Variants in SCLY observed in about 807,000 individuals in gnomAD.
The protein encoded by SCLY is putative selenocysteine lyase.
A neutral mutation model predicts 50.1 loss-of-function variants in SCLY; 38 were observed. The ratio of observed to expected loss-of-function variants is 0.76; its 90% confidence interval spans 0.59 to 0.99. The LOEUF (loss-of-function observed/expected upper bound fraction) is 0.99, where lower values mean the gene tolerates loss of function less well. Among genes scored for constraint, SCLY ranks in the 50% least tolerant of loss-of-function variants. The pLI is 0.00. For missense variants in SCLY, 600 were observed against 620.0 expected, an observed-to-expected ratio of 0.97 and a Z score of 0.34; for synonymous variants, 243 against 249.4, an observed-to-expected ratio of 0.97 and a Z score of 0.24.
Position 238,098,633 on chromosome 2 carries a change from G to GGGAACGCCCACATGGGAACGCCCACATA in SCLY, c.*281_*282insACGCCCACATGGGAACGCCCACATAGGA. 4.4e-6 allele frequency: 1 copy of GGGAACGCCCACATGGGAACGCCCACATA among 226,886 alleles called. No individual in the cohort carries two copies. The highest frequency in any genetic ancestry group is 8.0e-6 in the Non-Finnish European group (1 of 124,500). The allele number at this position is 226,886 out of a possible 1,614,324, so 14.1% of individuals were successfully genotyped here. A position where few individuals can be genotyped will look rare whatever the true frequency, so the allele number is the denominator to read the frequency against. On this transcript the variant is annotated 3_prime_UTR_variant, in exon 12 of 12. Transcript: ENST00000254663. ...ACCGCCCACATGGGACCGCCCACAT[G>GGGAACGCCCACATGGGAACGCCCACATA]GGACCGCCCACATGGGACCGCCCAC...
chr2:238,065,659 T>TA (rs1491264205), intron 2 of SCLY, among the ~76,000 whole-genome samples: 14 of 100,148 alleles, frequency 1.4e-4, no homozygotes, highest in Non-Finnish European at 4.1e-5. Context: ...TAATATTTTA[T>TA]TTTATTATTA....
At position 238,083,240 on chromosome 2, in the gene SCLY, C is replaced by T; in HGVS notation, c.778-8C>T. 6.3e-7 allele frequency: 1 copy of T among 1,599,212 alleles called. No individual in the cohort carries two copies. Among genetic ancestry groups the T allele is most frequent in the Non-Finnish European group, 8.6e-7 (1 of 1,166,566 alleles). Reference sequence around the variant, plus strand: ...CTTGTTGAATAAATGACCAACTTTTCCTTCCAGTTTTATGGTCCCAGGATT... The same window carrying T: ...CTTGTTGAATAAATGACCAACTTTTTCTTCCAGTTTTATGGTCCCAGGATT... On this transcript the variant is annotated splice_polypyrimidine_tract_variant and splice_region_variant and intron_variant, in intron 6 of 11. Coordinates refer to ENST00000254663, the MANE Select transcript of SCLY (RefSeq NM_016510.7). The surrounding 1 kb of genome is among the most constrained non-coding windows in gnomAD (Gnocchi z 4.3).
rs796713627 is a variant in SCLY, at chr2:238,098,563, AGGACTGCCCACATG to A, written c.*213_*226del. Reference sequence around the variant, plus strand: ...AGGGCCCAGGACACCAACGCCGCATAGGACTGCCCACATGGGACCGCCCACATAGGACCGCCCAC... The same window carrying A: ...AGGGCCCAGGACACCAACGCCGCATAGGACCGCCCACATAGGACCGCCCAC... On this transcript the variant is annotated 3_prime_UTR_variant, in exon 12 of 12. Transcript: ENST00000254663. 5.4e-3 allele frequency: 2,036 copies of A among 374,224 alleles called. 141 individuals are homozygous for A. The highest frequency in any genetic ancestry group is 0.048 in the African/African-American group (1,205 of 25,210). The allele number at this position is 374,224 out of a possible 1,614,324, so 23.2% of individuals were successfully genotyped here. A position where few individuals can be genotyped will look rare whatever the true frequency, so the allele number is the denominator to read the frequency against.
At chr2:238,086,708 TAAAAAAAA>T (rs386393003) in intron 7 of SCLY, among the ~76,000 whole-genome samples, 4 of 97,710 alleles carry the variant, frequency 4.1e-5, no homozygotes, top group African/African-American at 8.7e-5. Context: ...CCTGTCTCTT[TAAAAAAAA>T]AAAAAAAAAA....
intron 2 of SCLY, chr2:238,064,676 A>C (rs1228197288): frequency 5.1e-6 from 2 of 390,424 alleles, no homozygotes; most frequent in Non-Finnish European, 9.3e-6. Context: ...TTTAACCTTT[A>C]ATGTTTAATC....
Position 238,069,560 on chromosome 2 carries a change from G to A in SCLY, c.484+83G>A, listed in dbSNP as rs2106438339. The A allele has an allele frequency of 3.2e-6, 4 of 1,261,228 alleles. No individual in the cohort carries two copies. In the East Asian group the frequency reaches 7.6e-5, roughly 24 times the overall value. 78.1% of individuals were successfully genotyped at this position (1,261,228 alleles called of 1,614,324 possible). A position where few individuals can be genotyped will look rare whatever the true frequency, so the allele number is the denominator to read the frequency against. On this transcript the variant is annotated intron_variant, in intron 4 of 11. Coordinates refer to ENST00000254663, the MANE Select transcript of SCLY (RefSeq NM_016510.7). The surrounding 1 kb of genome is among the most constrained non-coding windows in gnomAD (Gnocchi z 5.0). ...GAAGTGGCCTGCGAGCAGAGCCCGG[G>A]ATCCGCTGCAGAGATGTAGATTCAG...
chr2:238,093,473 C>G (rs1227134779), intron 8 of SCLY: 1 of 263,598 alleles, frequency 3.8e-6, no homozygotes, highest in Non-Finnish European at 7.5e-6. Flanking sequence ...ACGCCATTCC[C>G]TGCCCTTGTA....
In SCLY at chr2:238,099,163, C is replaced by G; in HGVS notation, c.*808C>G. On this transcript the variant is annotated 3_prime_UTR_variant, in exon 12 of 12. Transcript: ENST00000254663. ...CCAACCTCGCTGAGTTGGTGCAGCT[C>G]CAGGTCATTCCTGGGGTGGGAATCG... is the stretch of plus-strand genomic sequence containing the variant. 2.2e-6 allele frequency: 1 copy of G among 450,854 alleles called. No homozygotes were observed. Among genetic ancestry groups the G allele is most frequent in the South Asian group, 1.6e-5 (1 of 60,838 alleles). The allele number at this position is 450,854 out of a possible 1,614,324, so 27.9% of individuals were successfully genotyped here.
chr2:238,073,388 A>G lies in SCLY; in HGVS notation c.484+3911A>G, dbSNP rs144220190. On this transcript the variant is annotated intron_variant, in intron 4 of 11. Coordinates refer to ENST00000254663, the MANE Select transcript of SCLY (RefSeq NM_016510.7). ...TTAGGATCAGCTTGTTAAATTCTGC[A>G]AAAATCTAGCTAGGAGTTTGATAGG... Among the ~76,000 whole-genome samples, 285 of 152,328 alleles carry G rather than the reference A, an allele frequency of 1.9e-3. 1 individual carries two copies. Among genetic ancestry groups the G allele is most frequent in the African/African-American group, 6.4e-3 (268 of 41,572 alleles).
intron 3 of SCLY, 83 bp downstream of exon 3, chr2:238,068,248 T>G: frequency 3.6e-6 from 4 of 1,101,688 alleles, no homozygotes; most frequent in Non-Finnish European, 3.9e-6. Context: ...TTGCTACATT[T>G]TCATTTAAAG....
At chr2:238,082,990 C>A in intron 6 of SCLY, 1 of 516,300 alleles carries the variant, frequency 1.9e-6, no homozygotes, top group Non-Finnish European at 3.7e-6. Context: ...ACATGATGCG[C>A]AGGGGAGAGC....
intron 11 of SCLY, among the ~76,000 whole-genome samples, chr2:238,097,530 A>T (rs1404544829): frequency 6.6e-6 from 1 of 152,044 alleles, no homozygotes; most frequent in East Asian, 1.9e-4. Flanking sequence ...GTGGCCATCA[A>T]GGTCAGGGCA....
Position 238,081,843 on chromosome 2 carries a change from C to A in SCLY, c.612+7C>A, listed in dbSNP as rs115220643. The A allele has an allele frequency of 1.2e-6, 2 of 1,612,538 alleles. No homozygotes were observed. The highest frequency in any genetic ancestry group is 1.7e-6 in the Non-Finnish European group (2 of 1,179,214). Reference sequence around the variant, plus strand: ...TGAGACTGGCATTGTCATGGTGAGTCGGCCTTTGTTTCTCTTTAAGGAGAG... The same window carrying A: ...TGAGACTGGCATTGTCATGGTGAGTAGGCCTTTGTTTCTCTTTAAGGAGAG... On this transcript the variant is annotated splice_region_variant and intron_variant, in intron 5 of 11. Coordinates refer to ENST00000254663, the MANE Select transcript of SCLY (RefSeq NM_016510.7).
chr2:238,098,993 C>T lies in SCLY; in HGVS notation c.*638C>T, dbSNP rs1304649628. The T allele has an allele frequency of 5.9e-6, 2 of 336,540 alleles. No homozygotes were observed. Among genetic ancestry groups the T allele is most frequent in the African/African-American group, 2.2e-5 (1 of 46,218 alleles). 20.8% of individuals were successfully genotyped at this position (336,540 alleles called of 1,614,324 possible). On this transcript the variant is annotated 3_prime_UTR_variant, in exon 12 of 12. Transcript: ENST00000254663. ...CCTCGGCCAGGCCTGCTCTGCTCAG[C>T]GCCCACCGCCCACCACCCCTCCTGC...
chr2:238,077,972 G>A (rs1293929929), intron 4 of SCLY, among the ~76,000 whole-genome samples: 1 of 121,396 alleles, frequency 8.2e-6, no homozygotes. Context: ...TTTTTTTTTA[G>A]ACGGAATCTC....
At chr2:238,064,760 G>C (rs1236834141) in intron 2 of SCLY, 8 of 213,648 alleles carry the variant, frequency 3.7e-5, no homozygotes, top group South Asian at 2.7e-4. Context: ...GTAGCAGTCA[G>C]TACCTGTGGA....
In SCLY at chr2:238,098,633, G is replaced by GGGAACGCCCACATGGGACCGCCCACATA. The variant is rs1559254772; in HGVS notation, c.*281_*282insACGCCCACATGGGACCGCCCACATAGGA. On this transcript the variant is annotated 3_prime_UTR_variant, in exon 12 of 12. Transcript: ENST00000254663. ...ACCGCCCACATGGGACCGCCCACAT[G>GGGAACGCCCACATGGGACCGCCCACATA]GGACCGCCCACATGGGACCGCCCAC... 2.2e-4 allele frequency: 50 copies of GGGAACGCCCACATGGGACCGCCCACATA among 230,738 alleles called. 2 individuals carry two copies. Among genetic ancestry groups the GGGAACGCCCACATGGGACCGCCCACATA allele is most frequent in the East Asian group, 7.3e-4 (16 of 22,066 alleles). The allele number at this position is 230,738 out of a possible 1,614,324, so 14.3% of individuals were successfully genotyped here. A position where few individuals can be genotyped will look rare whatever the true frequency, so the allele number is the denominator to read the frequency against.
At chr2:238,088,392 A>G (rs568633467) in intron 7 of SCLY, among the ~76,000 whole-genome samples, 14 of 152,280 alleles carry the variant, frequency 9.2e-5, no homozygotes, top group Admixed American at 2.0e-4. Context: ...AACCTGGGTA[A>G]CAGAGTTTGC....
chr2:238,090,447 G>A (rs112108926), intron 7 of SCLY, among the ~76,000 whole-genome samples: 69,231 of 151,966 alleles, frequency 0.46, 16,074 homozygotes, highest in Admixed American at 0.5. Context: ...TCAGGAGTTC[G>A]AGACCAGCCT....
Sources: gnomAD v4.1 joint callset for allele counts (sites outside exome capture counted in the v4.1 genomes callset) on GRCh38, gnomAD v4.1.1 for gene constraint, Gnocchi (gnomAD v3.1) non-coding constraint, MANE v1.5 for transcripts, NCBI Gene and HGNC (gene_info 2026-07-23, HGNC 2026-07-21) for gene names.